Variants in MICAL3 observed in about 807,000 individuals in gnomAD.
The protein encoded by MICAL3 is [F-actin]-monooxygenase MICAL3.
In MICAL3, 62 loss-of-function variants were observed where a neutral mutation model predicts 207.4. The ratio of observed to expected loss-of-function variants is 0.30; its 90% CI spans 0.24 to 0.37. The LOEUF is 0.37. MICAL3 is among the 10% of genes least tolerant of loss of function. The pLI, the probability that MICAL3 is intolerant of heterozygous loss-of-function variation, is 1.00. For synonymous variants in MICAL3, 1,077 were observed against 1,069.3 expected, an observed-to-expected ratio of 1.01 and a Z score of -0.14; for missense variants, 2,368 against 2,635.6, an observed-to-expected ratio of 0.90 and a Z score of 2.22.
intron 29 of MICAL3, among the ~76,000 whole-genome samples, chr22:17,807,593 C>T (rs1192351692): frequency 6.6e-6 from 1 of 152,240 alleles, no homozygotes; most frequent in African/African-American, 2.4e-5. Context: ...AAGGTCATCA[C>T]TGAGTAGCCC....
intron 28 of MICAL3, among the ~76,000 whole-genome samples, 186 bp from the exon 29 acceptor site, chr22:17,809,123 C>G (rs536265031): frequency 4.6e-5 from 7 of 152,162 alleles, no homozygotes; most frequent in Non-Finnish European, 1.0e-4. Context: ...CTTGTGTAGA[C>G]GCCAGGCTCC....
intron 22 of MICAL3, among the ~76,000 whole-genome samples, chr22:17,823,318 G>A (rs1343008144): frequency 6.6e-6 from 1 of 152,222 alleles, no homozygotes. Flanking sequence ...GAAGGTGGGG[G>A]CATTGTTCCT....
At position 17,793,762 on chromosome 22, in the gene MICAL3, G is replaced by A. The variant is rs901845925; in HGVS notation, c.5651-2461C>T. ...ACACAGCAAGGGCAGAAGGAGAGAG[G>A]TCTACGTCGTGGAGTCCCGCCACTG... On this transcript the variant is annotated intron_variant, in intron 29 of 31. Coordinates refer to ENST00000441493, the MANE Select transcript of MICAL3 (RefSeq NM_015241.3). This position sits in a 1 kb window ranked among gnomAD's most constrained non-coding sequence, Gnocchi z 4.1. The A allele has an allele frequency of 1.3e-5, 2 of 152,362 alleles. No homozygotes were observed. Among genetic ancestry groups the A allele is most frequent in the African/African-American group, 4.8e-5 (2 of 41,426 alleles). The allele number at this position is 152,362 out of a possible 1,614,324, so 9.4% of individuals were successfully genotyped here.
chr22:17,899,298 C>T (rs745598926), intron 7 of MICAL3, 150 bp downstream of exon 7: 38 of 705,196 alleles, frequency 5.4e-5, no homozygotes, highest in East Asian at 4.1e-4. Context: ...GAGTTGTTCA[C>T]GCTAAACTGG....
intron 1 of MICAL3, among the ~76,000 whole-genome samples, chr22:17,965,080 A>G (rs1397078480): frequency 1.3e-5 from 2 of 152,112 alleles, no homozygotes; most frequent in African/African-American, 2.4e-5. Context: ...AACTGGGCCA[A>G]AGGAAATCCA....
At chr22:17,998,494 TTCC>T (rs1285604054) in intron 1 of MICAL3, among the ~76,000 whole-genome samples, 146 of 151,782 alleles carry the variant, frequency 9.6e-4, no homozygotes, top group African/African-American at 3.3e-3. Flanking sequence ...AAGCTTTCAC[TTCC>T]TCAAGTAAAA....
chr22:17,877,175 GGTT>G (rs1569109950), intron 16 of MICAL3, among the ~76,000 whole-genome samples: 3 of 112,786 alleles, frequency 2.7e-5, no homozygotes, highest in Admixed American at 8.4e-5. Flanking sequence ...AGGTTAGGGA[GGTT>G]AGGGAAGTTA....
rs371192401 is a variant in MICAL3 at position 17,819,031 on chromosome 22, A to G, written c.3630T>C (p.Ala1210=). ...EPLLPKEKPK[A]DAPSDLKAVH... ...CAGCTTTCAGATCCGAGGGGGCATC[A>G]GCTTTGGGCTTCTCTTTGGGGAGCA... is the stretch of plus-strand genomic sequence containing the variant. Residue 1210 remains alanine (A), a synonymous_variant, in exon 26 of 32, where the codon GCT becomes GCC. Transcript: ENST00000441493. 3.1e-6 allele frequency: 5 copies of G among 1,601,986 alleles called. No individual in the cohort carries two copies. Among genetic ancestry groups the G allele is most frequent in the Non-Finnish European group, 4.3e-6 (5 of 1,174,430 alleles).
intron 29 of MICAL3, chr22:17,791,508 G>C: frequency 1.7e-6 from 1 of 591,160 alleles, no homozygotes; most frequent in Non-Finnish European, 3.0e-6. Context: ...TGCCATCCCT[G>C]TTCACCCCGT....
chr22:18,018,810 T>C (rs1924246826), intron 1 of MICAL3, among the ~76,000 whole-genome samples: 1 of 144,242 alleles, frequency 6.9e-6, no homozygotes, highest in South Asian at 2.1e-4. Flanking sequence ...ACACACACAG[T>C]ATACAAAACT....
In MICAL3 at chr22:17,789,279, G is replaced by A. The variant is rs5992845; in HGVS notation, c.*1453C>T. The A allele has an allele frequency of 2.0e-5, 3 of 152,372 alleles. No homozygotes were observed. The highest frequency in any genetic ancestry group is 6.5e-5 in the Admixed American group (1 of 15,306). 9.4% of individuals were successfully genotyped at this position (152,372 alleles called of 1,614,324 possible). Reference sequence around the variant, plus strand: ...CGCGTTTCCGTCTGGGTGAATCTTAGGCTGGGAGGAGGGAATTCTCACCAG... The same window carrying A: ...CGCGTTTCCGTCTGGGTGAATCTTAAGCTGGGAGGAGGGAATTCTCACCAG... On this transcript the variant is annotated 3_prime_UTR_variant, in exon 32 of 32. Coordinates refer to ENST00000441493, the MANE Select transcript of MICAL3 (RefSeq NM_015241.3).
intron 20 of MICAL3, among the ~76,000 whole-genome samples, chr22:17,838,681 C>T (rs546005596): frequency 3.9e-5 from 6 of 152,288 alleles, no homozygotes; most frequent in South Asian, 2.1e-4. Context: ...TGAAACATCA[C>T]GCTGCTGTCC....
intron 1 of MICAL3, among the ~76,000 whole-genome samples, chr22:17,998,026 G>A (rs1422342185): frequency 6.6e-6 from 1 of 152,230 alleles, no homozygotes; most frequent in Non-Finnish European, 1.5e-5. Flanking sequence ...CCTGGGCCGG[G>A]TGTGGTGGCT....
At chr22:17,928,849 C>T (rs889175953) in intron 1 of MICAL3, among the ~76,000 whole-genome samples, 3 of 151,590 alleles carry the variant, frequency 2.0e-5, no homozygotes, top group African/African-American at 7.3e-5. Context: ...GGCTGGAGTG[C>T]AGTGTCGTGA....
rs1602026851 is a variant in MICAL3 at position 17,841,531 on chromosome 22, A to C, written c.2801+291T>G. The C allele has an allele frequency of 1.8e-6, 1 of 546,720 alleles. No homozygotes were observed. 33.9% of individuals were successfully genotyped at this position (546,720 alleles called of 1,614,324 possible). On this transcript the variant is annotated intron_variant, in intron 20 of 31. Coordinates refer to ENST00000441493, the MANE Select transcript of MICAL3 (RefSeq NM_015241.3). This position sits in a 1 kb window ranked among gnomAD's most constrained non-coding sequence, Gnocchi z 4.2. ...CTTCCCTCTGCTGAATCTGTGAATA[A>C]CCCGGGGGCAGAGCCTGCCACTTTC...
At chr22:17,984,218 AC>A (rs1435967799) in intron 1 of MICAL3, among the ~76,000 whole-genome samples, 4 of 151,784 alleles carry the variant, frequency 2.6e-5, no homozygotes. Flanking sequence ...CTCCCTGCCA[AC>A]CCACTTCCTC....
chr22:17,908,554 G>A (rs1255500976), intron 1 of MICAL3, among the ~76,000 whole-genome samples: 4 of 152,052 alleles, frequency 2.6e-5, no homozygotes, highest in African/African-American at 7.2e-5. Flanking sequence ...TGATCTGCCC[G>A]CCTCGGCCTC....
intron 16 of MICAL3, chr22:17,881,313 CA>C: frequency 3.8e-6 from 6 of 1,595,158 alleles, no homozygotes; most frequent in Non-Finnish European, 5.1e-6. Context: ...GCTTTTACAC[CA>C]ACAGACACAA....
intron 29 of MICAL3, among the ~76,000 whole-genome samples, chr22:17,794,109 G>C (rs2061851918): frequency 6.6e-6 from 1 of 152,344 alleles, no homozygotes; most frequent in South Asian, 2.1e-4. Context: ...CCACAGTGTG[G>C]ATTCCTCCAA....
Sources: gnomAD v4.1 joint callset for allele counts (sites outside exome capture counted in the v4.1 genomes callset) on GRCh38, gnomAD v4.1.1 for gene constraint, Gnocchi (gnomAD v3.1) non-coding constraint, MANE v1.5 for transcripts, NCBI Gene and HGNC (gene_info 2026-07-23, HGNC 2026-07-21) for gene names.